BCL11B: variants seen among roughly 807,000 people sequenced by gnomAD.
BCL11B encodes B-cell lymphoma/leukemia 11B.
BCL11B carries 8 observed loss-of-function variants against 49.9 expected under a neutral mutation model. That is an observed-to-expected ratio of 0.16 (90% CI 0.09 to 0.29). The LOEUF (loss-of-function observed/expected upper bound fraction) is 0.29, where lower values mean the gene tolerates loss of function less well. Among genes scored for constraint, BCL11B ranks in the 10% least tolerant of loss-of-function variants. The probability of loss-of-function intolerance (pLI) is 1.00; values close to 1 mark genes in which losing one functional copy is unlikely to be tolerated. For synonymous variants in BCL11B, 739 were observed against 637.4 expected, an observed-to-expected ratio of 1.16 and a Z score of -2.40; for missense variants, 1,006 against 1,351.0, an observed-to-expected ratio of 0.74 and a Z score of 4.00.
At chr14:99,204,124 AG>A (rs757698822) in intron 3 of BCL11B, among the ~76,000 whole-genome samples, 7 of 152,062 alleles carry the variant, frequency 4.6e-5, no homozygotes, top group Non-Finnish European at 1.0e-4. Context: ...AGAGGGGAAA[AG>A]GCTGCCTTGT....
chr14:99,230,485 C>T (rs984607753), intron 3 of BCL11B, among the ~76,000 whole-genome samples: 16 of 152,146 alleles, frequency 1.1e-4, no homozygotes, highest in Admixed American at 2.6e-4. Flanking sequence ...AGTGCTTTCA[C>T]GCCAGGCCCT....
chr14:99,201,722 G>A (rs1466223981), intron 3 of BCL11B, among the ~76,000 whole-genome samples: 3 of 152,192 alleles, frequency 2.0e-5, no homozygotes, highest in African/African-American at 7.2e-5. Context: ...CCTCTGCCTT[G>A]TGTGGCTGCC....
chr14:99,234,626 G>A (rs967594819), intron 2 of BCL11B, among the ~76,000 whole-genome samples: 1 of 152,038 alleles, frequency 6.6e-6, no homozygotes, highest in African/African-American at 2.4e-5. Context: ...TTTAAAGGAA[G>A]GGTCAGGTCA....
chr14:99,200,257 G>A (rs943648179), intron 3 of BCL11B, among the ~76,000 whole-genome samples: 2 of 152,224 alleles, frequency 1.3e-5, no homozygotes, highest in African/African-American at 4.8e-5. Context: ...GAGCACAGGC[G>A]CTGGTCAGTC....
At chr14:99,215,606 G>A (rs752363315) in intron 3 of BCL11B, among the ~76,000 whole-genome samples, 3 of 152,202 alleles carry the variant, frequency 2.0e-5, no homozygotes, top group Non-Finnish European at 4.4e-5. Flanking sequence ...AAATACCAAG[G>A]CACGTTGGAG....
In BCL11B at chr14:99,174,835, C is replaced by T. The variant is rs770281394; in HGVS notation, c.2001G>A (p.Gly667=). The T allele has an allele frequency of 2.3e-6, 3 of 1,331,154 alleles. No individual in the cohort carries two copies. Among genetic ancestry groups the T allele is most frequent in the South Asian group, 4.2e-5 (2 of 48,046 alleles). The allele number at this position is 1,331,154 out of a possible 1,614,324, so 82.5% of individuals were successfully genotyped here. Residue 667 remains glycine (G), a synonymous_variant, in exon 4 of 4, where the codon GGG becomes GGA. Coordinates refer to ENST00000357195, the MANE Select transcript of BCL11B (RefSeq NM_138576.4). ...GFAPGTEPFP[G]LFPRKPAPLP... ...GCGGCGCGGGCTTGCGCGGGAAGAG[C>T]CCGGGGAAGGGCTCGGTGCCTGGCG...
At chr14:99,182,107 T>C in intron 3 of BCL11B, among the ~76,000 whole-genome samples, 1 of 152,194 alleles carries the variant, frequency 6.6e-6, no homozygotes, top group East Asian at 1.9e-4. Context: ...TCCCTGCCTG[T>C]TCCAAATGTA....
At chr14:99,246,457 C>T (rs12895055) in intron 2 of BCL11B, among the ~76,000 whole-genome samples, 44,479 of 152,198 alleles carry the variant, frequency 0.29, 8,575 homozygotes, top group Non-Finnish European at 0.43. Flanking sequence ...GGGGGCCAGG[C>T]GCGCCCGCAG....
intron 1 of BCL11B, among the ~76,000 whole-genome samples, chr14:99,266,864 G>A (rs947771026): frequency 2.0e-5 from 3 of 152,330 alleles, no homozygotes; most frequent in South Asian, 2.1e-4. Context: ...CAAAGCAATC[G>A]AGATAGGAGA....
intron 1 of BCL11B, among the ~76,000 whole-genome samples, chr14:99,258,405 C>T (rs982753809): frequency 4.6e-5 from 7 of 152,052 alleles, no homozygotes; most frequent in Non-Finnish European, 8.8e-5. Flanking sequence ...CCCCACCCCT[C>T]CCATCCCTTA....
chr14:99,241,458 C>T lies in BCL11B; in HGVS notation c.428-9901G>A, dbSNP rs966933766. Among the ~76,000 whole-genome samples, 6 of 150,898 alleles carry T rather than the reference C, an allele frequency of 4.0e-5. No individual in the cohort carries two copies. Among genetic ancestry groups the T allele is most frequent in the African/African-American group, 1.5e-4 (6 of 40,952 alleles). On this transcript the variant is annotated intron_variant, in intron 2 of 3. Coordinates refer to ENST00000357195, the MANE Select transcript of BCL11B (RefSeq NM_138576.4). This position sits in a 1 kb window ranked among gnomAD's most constrained non-coding sequence, Gnocchi z 4.4. ...GGAGGCCTCAGAGACTAAACAGACACAAAACCCAAAAGAAAAAGAAAAAAA... is the reference window on the plus strand; with the variant it reads ...GGAGGCCTCAGAGACTAAACAGACATAAAACCCAAAAGAAAAAGAAAAAAA...
Position 99,175,330 on chromosome 14 carries a change from G to A in BCL11B, c.1506C>T (p.Thr502=), listed in dbSNP as rs2139758543. The A allele has an allele frequency of 1.3e-6, 2 of 1,550,642 alleles. No homozygotes were observed. Among genetic ancestry groups the A allele is most frequent in the African/African-American group, 1.4e-5 (1 of 73,170 alleles). ...TGAGGCCCTCGCCCGCCAGCTCGCT[G>A]GTGCCGGGCTCGGGGGAGCTGGCGG... The part of the protein sequence containing the change: ...LSAASSPEPG[T]SELAGEGLKA... Residue 502 remains threonine, a synonymous_variant, in exon 4 of 4, where the codon ACC becomes ACT. Coordinates refer to ENST00000357195, the MANE Select transcript of BCL11B (RefSeq NM_138576.4).
intron 3 of BCL11B, among the ~76,000 whole-genome samples, chr14:99,220,233 C>T (rs749509849): frequency 6.6e-6 from 1 of 152,174 alleles, no homozygotes; most frequent in Non-Finnish European, 1.5e-5. Flanking sequence ...CGCAGAAACT[C>T]CACTTCCGCA....
intron 2 of BCL11B, among the ~76,000 whole-genome samples, chr14:99,239,149 T>C (rs886829439): frequency 6.6e-6 from 1 of 152,190 alleles, no homozygotes; most frequent in Non-Finnish European, 1.5e-5. Context: ...AGTCAATACC[T>C]AATGGAGGAA....
intron 3 of BCL11B, among the ~76,000 whole-genome samples, chr14:99,218,739 T>TC (rs1887926545): frequency 1.3e-5 from 2 of 151,870 alleles, no homozygotes; most frequent in African/African-American, 2.4e-5. Context: ...CCACCTGAAA[T>TC]AAGCTGTCCA....
intron 3 of BCL11B, among the ~76,000 whole-genome samples, chr14:99,198,933 C>T (rs1383898210): frequency 1.3e-5 from 2 of 152,190 alleles, no homozygotes; most frequent in Non-Finnish European, 2.9e-5. Context: ...ACCCCAGCCC[C>T]GTGACACACC....
At position 99,176,673 on chromosome 14, in the gene BCL11B, T is replaced by C. The variant is rs376419670; in HGVS notation, c.641-478A>G. 2.0e-5 allele frequency among the ~76,000 whole-genome samples: 3 copies of C among 152,220 alleles called. No individual in the cohort carries two copies. The South Asian group carries it at 6.2e-4, about 32-fold the overall frequency. ...CTACTGACATTTACATCCTAATTCT[T>C]TGGGCGGTGGGGGCTGTCCTGCGCA... On this transcript the variant is annotated intron_variant, in intron 3 of 3. Transcript: ENST00000357195.
At position 99,209,411 on chromosome 14, in the gene BCL11B, G is replaced by A. The variant is rs747007212; in HGVS notation, c.640+21934C>T. Among the ~76,000 whole-genome samples, 52 of 152,164 alleles carry A rather than the reference G, an allele frequency of 3.4e-4. 3 individuals are homozygous for A. The highest frequency in any genetic ancestry group is 2.2e-3 in the Admixed American group (33 of 15,282). ...AGAGCCCTGGGGTGTAATCCATGGA[G>A]ACCACCGAGGCCATGTGAAGGAACA... On this transcript the variant is annotated intron_variant, in intron 3 of 3. Transcript: ENST00000357195.
Position 99,180,711 on chromosome 14 carries a change from G to A in BCL11B, c.641-4516C>T, listed in dbSNP as rs140041330. On this transcript the variant is annotated intron_variant, in intron 3 of 3. Transcript: ENST00000357195. ...GCAGGCGTTACGATGGGGTTTGCAC[G>A]TTTTGTTTTTTTATTATCCATCCTT... is the stretch of plus-strand genomic sequence containing the variant. 3.6e-3 allele frequency among the ~76,000 whole-genome samples: 541 copies of A among 152,246 alleles called. 6 individuals are homozygous for A. The highest frequency in any genetic ancestry group is 0.011 in the Admixed American group (163 of 15,294).
Sources: gnomAD v4.1 joint callset for allele counts (sites outside exome capture counted in the v4.1 genomes callset) on GRCh38, gnomAD v4.1.1 for gene constraint, Gnocchi (gnomAD v3.1) non-coding constraint, MANE v1.5 for transcripts, NCBI Gene and HGNC (gene_info 2026-07-23, HGNC 2026-07-21) for gene names.